KDM4C: variants seen among roughly 807,000 people sequenced by gnomAD.
The protein encoded by KDM4C is lysine-specific demethylase 4C.
Under a neutral mutation model 129.3 loss-of-function variants are expected in KDM4C, and 81 were observed. That is an observed-to-expected ratio of 0.63 (90% confidence interval 0.52 to 0.75). The LOEUF (loss-of-function observed/expected upper bound fraction) is 0.75, where lower values mean the gene tolerates loss of function less well. Among genes scored for constraint, KDM4C ranks in the 30% least tolerant of loss-of-function variants. KDM4C has a pLI of 0.00. For synonymous variants in KDM4C, 573 were observed against 456.1 expected (o/e 1.26, Z -3.26); for missense variants, 1,457 against 1,304.0 (o/e 1.12, Z -1.81).
intron 1 of KDM4C, among the ~76,000 whole-genome samples, chr9:6,723,189 CA>C (rs372983886): frequency 8.9e-4 from 135 of 152,068 alleles, no homozygotes; most frequent in African/African-American, 3.1e-3. Flanking sequence ...GCCTGCCCAA[CA>C]TGGAGAAACC....
At chr9:6,896,947 T>C (rs148089117) in intron 8 of KDM4C, among the ~76,000 whole-genome samples, 91 of 152,332 alleles carry the variant, frequency 6.0e-4, no homozygotes, top group African/African-American at 2.1e-3. Context: ...GACCTATTGA[T>C]ATGTGATAGT....
chr9:6,906,245 C>T (rs1165957282), intron 8 of KDM4C, among the ~76,000 whole-genome samples: 1 of 152,092 alleles, frequency 6.6e-6, no homozygotes, highest in Admixed American at 6.6e-5. Context: ...GACATGATTG[C>T]AGATGGTGTC....
chr9:7,093,381 A>G (rs1836031656), intron 17 of KDM4C, among the ~76,000 whole-genome samples: 2 of 152,096 alleles, frequency 1.3e-5, no homozygotes, highest in African/African-American at 4.8e-5. Flanking sequence ...TATAAAAATA[A>G]TAAAATAACA....
chr9:6,814,650 T>G lies in KDM4C; in HGVS notation c.340T>G (p.Leu114Val). 2 of 1,605,088 alleles carry G rather than the reference T, an allele frequency of 1.2e-6. No homozygotes were observed. The highest frequency in any genetic ancestry group is 1.7e-6 in the Non-Finnish European group (2 of 1,175,370). The change falls in exon 4 of 22, where the codon TTG becomes GTG. Residue 114 changes from leucine to valine, a missense_variant. Transcript: ENST00000381309. ...NSGKYCTPRY[L>V]DYEDLERKYW... Reference sequence around the variant, plus strand: ...TTACAGATATTGTACTCCAAGATACTTGGATTACGAAGATTTGGAGCGCAA... The same window carrying G: ...TTACAGATATTGTACTCCAAGATACGTGGATTACGAAGATTTGGAGCGCAA...
At chr9:6,834,777 C>T in intron 4 of KDM4C, 3 of 1,235,092 alleles carry the variant, frequency 2.4e-6, no homozygotes, top group Non-Finnish European at 3.6e-6. Context: ...CTGACCGAGG[C>T]CCCCCTGAAC....
chr9:6,866,008 C>G (rs1228765419), intron 5 of KDM4C, among the ~76,000 whole-genome samples: 1 of 152,106 alleles, frequency 6.6e-6, no homozygotes, highest in Non-Finnish European at 1.5e-5. Flanking sequence ...CCGCCTCGGC[C>G]TCCCAGAGTG....
At chr9:6,804,861 C>G (rs552218693) in intron 2 of KDM4C, among the ~76,000 whole-genome samples, 1 of 151,656 alleles carries the variant, frequency 6.6e-6, no homozygotes, top group South Asian at 2.1e-4. Context: ...TAAAGATGAA[C>G]TTCTTTGGGG....
intron 8 of KDM4C, among the ~76,000 whole-genome samples, chr9:6,972,766 T>C (rs1006544634): frequency 6.6e-6 from 1 of 152,186 alleles, no homozygotes; most frequent in Admixed American, 6.5e-5. Context: ...TTAAATCCAG[T>C]TCTTCTCATT....
chr9:6,765,600 A>G (rs1046980295), intron 1 of KDM4C, among the ~76,000 whole-genome samples: 2 of 152,196 alleles, frequency 1.3e-5, no homozygotes, highest in Middle Eastern at 3.2e-3. Context: ...GCACTATAGT[A>G]TAGGTGCTCA....
intron 1 of KDM4C, among the ~76,000 whole-genome samples, chr9:6,740,436 C>T (rs544825815): frequency 6.6e-6 from 1 of 152,112 alleles, no homozygotes; most frequent in Non-Finnish European, 1.5e-5. Flanking sequence ...ATCTCCTGAC[C>T]TTGTGATCCG....
chr9:6,837,061 C>T (rs1836002760), intron 4 of KDM4C, among the ~76,000 whole-genome samples: 1 of 151,926 alleles, frequency 6.6e-6, no homozygotes, highest in Non-Finnish European at 1.5e-5. Context: ...CACTGTATAT[C>T]ATTTTTGTTT....
intron 4 of KDM4C, among the ~76,000 whole-genome samples, chr9:6,826,409 C>G (rs898736127): frequency 3.9e-5 from 6 of 151,928 alleles, no homozygotes; most frequent in African/African-American, 1.5e-4. Flanking sequence ...GCTGTCAAAA[C>G]TGTTTTGTAT....
At chr9:6,989,905 C>G (rs1818413877) in intron 11 of KDM4C, among the ~76,000 whole-genome samples, 1 of 150,932 alleles carries the variant, frequency 6.6e-6, no homozygotes, top group South Asian at 2.1e-4. Flanking sequence ...CTCCTGAGGA[C>G]CTGGGACCAC....
At chr9:6,761,811 C>G (rs1563946256) in intron 1 of KDM4C, among the ~76,000 whole-genome samples, 1 of 152,008 alleles carries the variant, frequency 6.6e-6, no homozygotes, top group Non-Finnish European at 1.5e-5. Context: ...ACCTCTGTCT[C>G]TTTTTTCTTT....
intron 19 of KDM4C, among the ~76,000 whole-genome samples, chr9:7,134,370 A>G (rs1840967094): frequency 6.6e-6 from 1 of 152,216 alleles, no homozygotes; most frequent in Non-Finnish European, 1.5e-5. Flanking sequence ...TTATAAATCT[A>G]ATATTTGCAT....
At chr9:6,738,165 TAA>T (rs1817586603) in intron 1 of KDM4C, among the ~76,000 whole-genome samples, 1 of 148,996 alleles carries the variant, frequency 6.7e-6, no homozygotes, top group Admixed American at 6.8e-5. Flanking sequence ...TAAACTAAAC[TAA>T]ACTAAACTAA....
chr9:6,908,570 C>G (rs1461594582), intron 8 of KDM4C, among the ~76,000 whole-genome samples: 1 of 151,750 alleles, frequency 6.6e-6, no homozygotes, highest in Non-Finnish European at 1.5e-5. Flanking sequence ...AGAATCAGGG[C>G]AGAACACATC....
chr9:7,160,212 A>C (rs1164445083), intron 19 of KDM4C, among the ~76,000 whole-genome samples: 1 of 152,010 alleles, frequency 6.6e-6, no homozygotes, highest in Non-Finnish European at 1.5e-5. Context: ...CACACTGTTT[A>C]TTCTAGTTAG....
intron 1 of KDM4C, among the ~76,000 whole-genome samples, chr9:6,759,111 G>A (rs577554487): frequency 1.9e-3 from 295 of 152,044 alleles, no homozygotes; most frequent in Non-Finnish European, 3.2e-3. Flanking sequence ...TTTTTTTTGC[G>A]CTTGATAAAC....
Sources: allele counts gnomAD v4.1 joint callset (sites outside exome capture counted in the v4.1 genomes callset), GRCh38; gene constraint gnomAD v4.1.1; transcripts MANE v1.5; gene names NCBI Gene and HGNC (gene_info 2026-07-23, HGNC 2026-07-21).